GADD45A: variants seen among roughly 807,000 people sequenced by gnomAD.
GADD45A encodes growth arrest and DNA damage-inducible protein GADD45 alpha.
Under a neutral mutation model 17.7 loss-of-function variants are expected in GADD45A, and 9 were observed. The observed-to-expected ratio is 0.51, with a 90% CI of 0.31 to 0.89. The LOEUF is 0.89. Among genes scored for constraint, GADD45A ranks in the 40% least tolerant of loss-of-function variants. The pLI, the probability that GADD45A is intolerant of heterozygous loss-of-function variation, is 0.05. For synonymous variants in GADD45A, 95 were observed against 92.2 expected (o/e 1.03, Z -0.17); for missense variants, 149 against 220.6 (o/e 0.68, Z 2.06).
At chr1:67,685,867 G>T (rs1351292628) in intron 1 of GADD45A, 158 bp from the exon 2 acceptor site, 1 of 602,918 alleles carries the variant, frequency 1.7e-6, no homozygotes, top group Non-Finnish European at 2.9e-6. Context: ...GGGGTCATGG[G>T]GGGTGACGGG....
At position 67,687,766 on chromosome 1, in the gene GADD45A, G is replaced by T. The variant is rs1646145795; in HGVS notation, c.490G>T (p.Glu164Ter). The T allele has an allele frequency of 1.3e-6, 2 of 1,597,516 alleles. No homozygotes were observed. The highest frequency in any genetic ancestry group is 4.5e-5 in the East Asian group (2 of 44,818). The change falls in exon 4 of 4, where the codon GAA (glutamate) becomes TAA (stop). Residue 164 changes from glutamate (E) to a stop codon, truncating the protein, a stop_gained. Coordinates refer to ENST00000370986, the MANE Select transcript of GADD45A (RefSeq NM_001924.4). LOFTEE classifies it high-confidence loss of function. ...ATGGGTTCCAGTGATTAATCTCCCT[G>T]AACGGTGATGGCATCTGAATGAAAA... is the stretch of plus-strand genomic sequence containing the variant. Reference protein sequence around the residue: ...DQWVPVINLPER With the variant: ...DQWVPVINLP
chr1:67,685,778 G>T (rs1415439077), intron 1 of GADD45A: 1 of 597,300 alleles, frequency 1.7e-6, no homozygotes, highest in Non-Finnish European at 2.9e-6. Flanking sequence ...GTCGCTGCCC[G>T]TGCGGCTCCC....
At position 67,685,458 on chromosome 1, in the gene GADD45A, G is replaced by T; in HGVS notation, c.-37G>T. The T allele has an allele frequency of 1.3e-6, 2 of 1,589,526 alleles. No individual in the cohort carries two copies. Among genetic ancestry groups the T allele is most frequent in the Non-Finnish European group, 1.7e-6 (2 of 1,166,582 alleles). ...TAGCCGTGGCAGGAGCAGCCCGCAC[G>T]CCGCGCTCTCTCCCTGGGCGACCTG... On this transcript the variant is annotated 5_prime_UTR_variant, in exon 1 of 4. Coordinates refer to ENST00000370986, the MANE Select transcript of GADD45A (RefSeq NM_001924.4).
At chr1:67,686,619 T>C (rs778900436) in intron 3 of GADD45A, 32 bp downstream of exon 3, 1 of 1,572,712 alleles carries the variant, frequency 6.4e-7, no homozygotes, top group Non-Finnish European at 8.7e-7. Context: ...GCCTGCAGGG[T>C]AGAGCCCCGG....
At position 67,685,280 on chromosome 1, in the gene GADD45A, G is replaced by A; in HGVS notation, c.-215G>A. On this transcript the variant is annotated 5_prime_UTR_variant, in exon 1 of 4. Transcript: ENST00000370986. ...CGTGGCGAGGCGAGGTCCGGGGAGCGAGCGAGCAAGCAAGGCGGGAGGGGT... is the reference window on the plus strand; with the variant it reads ...CGTGGCGAGGCGAGGTCCGGGGAGCAAGCGAGCAAGCAAGGCGGGAGGGGT... The A allele has an allele frequency of 1.9e-6, 1 of 518,874 alleles. No homozygotes were observed. Among genetic ancestry groups the A allele is most frequent in the Non-Finnish European group, 3.4e-6 (1 of 297,142 alleles). 32.1% of individuals were successfully genotyped at this position (518,874 alleles called of 1,614,324 possible). A position where few individuals can be genotyped will look rare whatever the true frequency, so the allele number is the denominator to read the frequency against.
chr1:67,687,801 C>T lies in GADD45A; in HGVS notation c.*27C>T, dbSNP rs3783479. ...GGCATCTGAATGAAAATAACTGAAC[C>T]AAATTGCACTGAAGTTTTTGAAATA... On this transcript the variant is annotated 3_prime_UTR_variant, in exon 4 of 4. Coordinates refer to ENST00000370986, the MANE Select transcript of GADD45A (RefSeq NM_001924.4). The T allele has an allele frequency of 1.7e-3, 2,334 of 1,408,736 alleles. 34 individuals are homozygous for T. In the African/African-American group the frequency reaches 0.029, roughly 18 times the overall value. 87.3% of individuals were successfully genotyped at this position (1,408,736 alleles called of 1,614,324 possible).
intron 1 of GADD45A, chr1:67,685,739 CG>C: frequency 1.6e-6 from 1 of 629,672 alleles, no homozygotes; most frequent in Non-Finnish European, 2.8e-6. Context: ...CGAGCCCCGC[CG>C]GGGCCTTTGC....
intron 1 of GADD45A, 180 bp downstream of exon 1, chr1:67,685,718 C>T: frequency 1.5e-6 from 1 of 670,950 alleles, no homozygotes; most frequent in South Asian, 1.9e-5. Flanking sequence ...GAGCGTGCCC[C>T]CCAACCCGAA....
rs904451474 is a variant in GADD45A at position 67,685,301 on chromosome 1, G to A, written c.-194G>A. 1 of 537,044 alleles carries A rather than the reference G, an allele frequency of 1.9e-6. No homozygotes were observed. The highest frequency in any genetic ancestry group is 3.3e-6 in the Non-Finnish European group (1 of 307,358). The allele number at this position is 537,044 out of a possible 1,614,324, so 33.3% of individuals were successfully genotyped here. On this transcript the variant is annotated 5_prime_UTR_variant, in exon 1 of 4. Coordinates refer to ENST00000370986, the MANE Select transcript of GADD45A (RefSeq NM_001924.4). ...GAGCGAGCGAGCAAGCAAGGCGGGA[G>A]GGGTGGCCGGAGCTGCGGCGGCTGG... is the stretch of plus-strand genomic sequence containing the variant.
rs1646148586 is a variant in GADD45A, at chr1:67,688,147, A to G, written c.*373A>G. 1 of 168,306 alleles carries G rather than the reference A, an allele frequency of 5.9e-6. No homozygotes were observed. Among genetic ancestry groups the G allele is most frequent in the African/African-American group, 2.4e-5 (1 of 42,000 alleles). The allele number at this position is 168,306 out of a possible 1,614,324, so 10.4% of individuals were successfully genotyped here. On this transcript the variant is annotated 3_prime_UTR_variant, in exon 4 of 4. Transcript: ENST00000370986. ...GGTATTTTTGGTTTATATGCCCTCA[A>G]GTAAAAGAAAAGCCGAAAGGGTTAA... is the stretch of plus-strand genomic sequence containing the variant.
chr1:67,685,831 C>G, intron 1 of GADD45A, 194 bp from the exon 2 acceptor site: 1 of 593,660 alleles, frequency 1.7e-6, no homozygotes, highest in African/African-American at 1.9e-5. Context: ...GGACTTCTCA[C>G]GGGACGCCCG....
At position 67,685,399 on chromosome 1, in the gene GADD45A, T is replaced by G; in HGVS notation, c.-96T>G. ...GGGCCTGAGCTGCCGGAGCGGCGCC[T>G]GTGAGTGAGTGCAGAAAGCAGGCGC... On this transcript the variant is annotated 5_prime_UTR_variant, in exon 1 of 4. Coordinates refer to ENST00000370986, the MANE Select transcript of GADD45A (RefSeq NM_001924.4). 2.5e-6 allele frequency: 3 copies of G among 1,194,316 alleles called. No homozygotes were observed. Among genetic ancestry groups the G allele is most frequent in the Non-Finnish European group, 2.4e-6 (2 of 832,318 alleles). 74.0% of individuals were successfully genotyped at this position (1,194,316 alleles called of 1,614,324 possible). A position where few individuals can be genotyped will look rare whatever the true frequency, so the allele number is the denominator to read the frequency against.
At position 67,685,379 on chromosome 1, in the gene GADD45A, T is replaced by A; in HGVS notation, c.-116T>A. On this transcript the variant is annotated 5_prime_UTR_variant, in exon 1 of 4. Transcript: ENST00000370986. Reference sequence around the variant, plus strand: ...GGGGCGGCCGGAGAGCGCCAGGGCCTGAGCTGCCGGAGCGGCGCCTGTGAG... The same window carrying A: ...GGGGCGGCCGGAGAGCGCCAGGGCCAGAGCTGCCGGAGCGGCGCCTGTGAG... The A allele has an allele frequency of 1.0e-6, 1 of 972,304 alleles. No individual in the cohort carries two copies. Among genetic ancestry groups the A allele is most frequent in the South Asian group, 1.5e-5 (1 of 65,762 alleles). The allele number at this position is 972,304 out of a possible 1,614,324, so 60.2% of individuals were successfully genotyped here.
At position 67,685,225 on chromosome 1, in the gene GADD45A, A is replaced by G. The variant is rs915902617; in HGVS notation, c.-270A>G. On this transcript the variant is annotated 5_prime_UTR_variant, in exon 1 of 4. Coordinates refer to ENST00000370986, the MANE Select transcript of GADD45A (RefSeq NM_001924.4). Reference sequence around the variant, plus strand: ...CAGTGGCTGGTAGGCAGTGGCTGGGAGGCAGCGGCCCAATTAGTGTCGTGC... The same window carrying G: ...CAGTGGCTGGTAGGCAGTGGCTGGGGGGCAGCGGCCCAATTAGTGTCGTGC... 3 of 472,374 alleles carry G rather than the reference A, an allele frequency of 6.4e-6. No homozygotes were observed. The highest frequency in any genetic ancestry group is 1.1e-5 in the Non-Finnish European group (3 of 268,168). The allele number at this position is 472,374 out of a possible 1,614,324, so 29.3% of individuals were successfully genotyped here. A position where few individuals can be genotyped will look rare whatever the true frequency, so the allele number is the denominator to read the frequency against.
At chr1:67,686,808 G>T (rs1028050806) in intron 3 of GADD45A, among the ~76,000 whole-genome samples, 1 of 152,248 alleles carries the variant, frequency 6.6e-6, no homozygotes, top group African/African-American at 2.4e-5. Flanking sequence ...ACTGCCAGCA[G>T]CGGAAGAGAT....
Position 67,686,009 on chromosome 1 carries a change from C to T in GADD45A, c.45-16C>T, listed in dbSNP as rs769215314. ...CACCGGGGCTGACGGGACCCCTCGC[C>T]CTTGCCCGCGTGTAGGATGGATAAG... On this transcript the variant is annotated splice_polypyrimidine_tract_variant and intron_variant, in intron 1 of 3. Transcript: ENST00000370986. The T allele has an allele frequency of 2.5e-6, 4 of 1,582,034 alleles. No individual in the cohort carries two copies. The highest frequency in any genetic ancestry group is 3.4e-6 in the Non-Finnish European group (4 of 1,161,068).
At position 67,685,302 on chromosome 1, in the gene GADD45A, G is replaced by A. The variant is rs900907936; in HGVS notation, c.-193G>A. On this transcript the variant is annotated 5_prime_UTR_variant, in exon 1 of 4. Transcript: ENST00000370986. Reference sequence around the variant, plus strand: ...AGCGAGCGAGCAAGCAAGGCGGGAGGGGTGGCCGGAGCTGCGGCGGCTGGC... The same window carrying A: ...AGCGAGCGAGCAAGCAAGGCGGGAGAGGTGGCCGGAGCTGCGGCGGCTGGC... The A allele has an allele frequency of 5.6e-6, 3 of 537,958 alleles. No individual in the cohort carries two copies. The African/African-American group carries it at 6.1e-5, about 11-fold the overall frequency. The allele number at this position is 537,958 out of a possible 1,614,324, so 33.3% of individuals were successfully genotyped here.
intron 1 of GADD45A, 155 bp from the exon 2 acceptor site, chr1:67,685,870 G>T (rs1646129367): frequency 1.7e-6 from 1 of 604,448 alleles, no homozygotes; most frequent in South Asian, 2.0e-5. Context: ...GTCATGGGGG[G>T]TGACGGGGCC....
chr1:67,687,826 A>G lies in GADD45A; in HGVS notation c.*52A>G, dbSNP rs1468604086. On this transcript the variant is annotated 3_prime_UTR_variant, in exon 4 of 4. Transcript: ENST00000370986. Reference sequence around the variant, plus strand: ...CAAATTGCACTGAAGTTTTTGAAATACCTTTGTAGTTACTCAAGCAGTTAC... The same window carrying G: ...CAAATTGCACTGAAGTTTTTGAAATGCCTTTGTAGTTACTCAAGCAGTTAC... 1.7e-6 allele frequency: 2 copies of G among 1,164,428 alleles called. No homozygotes were observed. Among genetic ancestry groups the G allele is most frequent in the Non-Finnish European group, 2.6e-6 (2 of 771,354 alleles). 72.1% of individuals were successfully genotyped at this position (1,164,428 alleles called of 1,614,324 possible). A position where few individuals can be genotyped will look rare whatever the true frequency, so the allele number is the denominator to read the frequency against.
Sources: allele counts gnomAD v4.1 joint callset (sites outside exome capture counted in the v4.1 genomes callset), GRCh38; gene constraint gnomAD v4.1.1; transcripts MANE v1.5; gene names NCBI Gene and HGNC (gene_info 2026-07-23, HGNC 2026-07-21).